Variants in CACNB4 observed in about 807,000 individuals in gnomAD.
CACNB4 encodes the protein voltage-dependent L-type calcium channel subunit beta-4.
Under a neutral mutation model 71.2 loss-of-function variants are expected in CACNB4, and 32 were observed. The observed-to-expected ratio is 0.45, with a 90% confidence interval of 0.34 to 0.60. CACNB4 has a LOEUF of 0.60. Ranked by LOEUF, CACNB4 falls within the 20% of genes least tolerant of loss-of-function variation. The pLI, the probability that CACNB4 is intolerant of heterozygous loss-of-function variation, is 0.01. For synonymous variants in CACNB4, 231 were observed against 236.9 expected (o/e 0.97, Z 0.23); for missense variants, 464 against 647.9 (o/e 0.72, Z 3.08).
intron 12 of CACNB4, chr2:151,850,720 T>C (rs940489011): frequency 2.0e-5 from 3 of 152,198 alleles, no homozygotes; most frequent in East Asian, 3.9e-4. Context: ...ATTTGTCCTA[T>C]TGGAGATATA....
intron 10 of CACNB4, chr2:151,856,609 G>C (rs1413644242): frequency 1.3e-5 from 2 of 152,236 alleles, no homozygotes; most frequent in African/African-American, 4.8e-5. Context: ...ACTGTGCCCA[G>C]CTGATTTTGT....
intron 2 of CACNB4, among the ~76,000 whole-genome samples, chr2:152,038,481 G>C (rs1684710123): frequency 6.6e-6 from 1 of 152,170 alleles, no homozygotes; most frequent in Non-Finnish European, 1.5e-5. Context: ...TGAGCACCTG[G>C]GACACAGGCT....
At chr2:151,853,413 C>T (rs751576000) in intron 12 of CACNB4, 35 bp downstream of exon 12, 1 of 1,326,608 alleles carries the variant, frequency 7.5e-7, no homozygotes, top group South Asian at 1.4e-5. Context: ...TCTAACTAGT[C>T]AAGAATGATG....
intron 2 of CACNB4, among the ~76,000 whole-genome samples, chr2:152,036,924 G>T (rs750396178): frequency 6.6e-6 from 1 of 152,164 alleles, no homozygotes; most frequent in African/African-American, 2.4e-5. Context: ...AGAATCCCAG[G>T]AAGTGCACTA....
intron 2 of CACNB4, among the ~76,000 whole-genome samples, chr2:151,924,073 CTTTTTTTTT>C (rs59036016): frequency 2.2e-5 from 2 of 91,450 alleles, no homozygotes; most frequent in Non-Finnish European, 3.9e-5. Flanking sequence ...ATTCTGAAAT[CTTTTTTTTT>C]TTTTTTTTTT....
intron 2 of CACNB4, among the ~76,000 whole-genome samples, chr2:151,963,303 C>A (rs975974775): frequency 1.5e-5 from 2 of 132,826 alleles, no homozygotes; most frequent in African/African-American, 5.8e-5. Context: ...CAGAGAAAGA[C>A]ACCGTCTCAA....
intron 2 of CACNB4, among the ~76,000 whole-genome samples, chr2:152,055,974 CCT>C (rs1002045359): frequency 2.0e-5 from 3 of 152,140 alleles, no homozygotes; most frequent in Non-Finnish European, 2.9e-5. Context: ...CCACCACGCC[CCT>C]GTGACTACCC....
chr2:151,901,064 A>T (rs2099853307), intron 2 of CACNB4, among the ~76,000 whole-genome samples: 1 of 136,040 alleles, frequency 7.4e-6, no homozygotes, highest in Non-Finnish European at 1.5e-5. Context: ...TGCAATCACC[A>T]CTCATTGCAG....
chr2:152,050,444 G>T (rs1253708091), intron 2 of CACNB4, among the ~76,000 whole-genome samples: 1 of 152,194 alleles, frequency 6.6e-6, no homozygotes, highest in Non-Finnish European at 1.5e-5. Flanking sequence ...AATGAAAAGA[G>T]ACTTCCTGGA....
At chr2:152,018,586 T>C (rs1313930606) in intron 2 of CACNB4, among the ~76,000 whole-genome samples, 5 of 152,084 alleles carry the variant, frequency 3.3e-5, no homozygotes, top group Admixed American at 2.0e-4. Context: ...GAGAGTTACT[T>C]GAGCCCAAGA....
intron 2 of CACNB4, chr2:151,970,098 T>C (rs559439729): frequency 6.6e-6 from 1 of 152,290 alleles, no homozygotes; most frequent in South Asian, 2.1e-4. Flanking sequence ...CACCGTACAA[T>C]ATACCCTAAG....
rs560396450 is a variant in CACNB4, at chr2:152,013,446, C to T, written c.147+84884G>A. ...CAAGCAGCAGGTACACAGAAATGCC[C>T]ATGACAGAGAGTACTAGGTTGCTCG... On this transcript the variant is annotated intron_variant, in intron 2 of 13. Coordinates refer to ENST00000539935, the MANE Select transcript of CACNB4 (RefSeq NM_000726.5). Among the ~76,000 whole-genome samples, 58 of 152,204 alleles carry T rather than the reference C, an allele frequency of 3.8e-4. No individual in the cohort carries two copies. The South Asian group carries it at 9.9e-3, about 26-fold the overall frequency.
chr2:151,927,906 T>C (rs183366715), intron 2 of CACNB4, among the ~76,000 whole-genome samples: 1 of 152,340 alleles, frequency 6.6e-6, no homozygotes, highest in Admixed American at 6.5e-5. Flanking sequence ...CACTCCTTCT[T>C]TCTTGAGAGT....
At chr2:151,983,675 TCACACACACACACACACACA>T (rs1553803380) in intron 2 of CACNB4, among the ~76,000 whole-genome samples, 1 of 141,430 alleles carries the variant, frequency 7.1e-6, no homozygotes, top group African/African-American at 2.6e-5. Context: ...TAAACTTTGG[TCACACACACACACACACACA>T]CACACACACA....
At chr2:151,840,525 C>T (rs942567867) in intron 13 of CACNB4, among the ~76,000 whole-genome samples, 2 of 152,168 alleles carry the variant, frequency 1.3e-5, no homozygotes, top group African/African-American at 4.8e-5. Flanking sequence ...AGAGCCAATC[C>T]ACACTAGTCA....
chr2:151,893,895 A>C (rs771729513), intron 2 of CACNB4, among the ~76,000 whole-genome samples: 2 of 152,244 alleles, frequency 1.3e-5, no homozygotes, highest in Non-Finnish European at 2.9e-5. Flanking sequence ...TGAACAACCT[A>C]TCTCTTCACT....
intron 9 of CACNB4, chr2:151,868,669 A>G (rs1238886285): frequency 6.6e-6 from 1 of 152,142 alleles, no homozygotes; most frequent in East Asian, 1.9e-4. Flanking sequence ...CCAAATAAGT[A>G]CTATTCCCTA....
At chr2:151,998,039 T>C (rs770300241) in intron 2 of CACNB4, among the ~76,000 whole-genome samples, 1 of 152,128 alleles carries the variant, frequency 6.6e-6, no homozygotes, top group Non-Finnish European at 1.5e-5. Context: ...AAAGTTGAAA[T>C]AGGCTGGGCA....
chr2:151,948,062 T>G (rs1389282230), intron 2 of CACNB4, among the ~76,000 whole-genome samples: 1 of 152,204 alleles, frequency 6.6e-6, no homozygotes, highest in Non-Finnish European at 1.5e-5. Flanking sequence ...AATGTGGGTA[T>G]GGATGATAGT....
Sources: gnomAD v4.1 joint callset for allele counts (sites outside exome capture counted in the v4.1 genomes callset) on GRCh38, gnomAD v4.1.1 for gene constraint, MANE v1.5 for transcripts, NCBI Gene and HGNC (gene_info 2026-07-23, HGNC 2026-07-21) for gene names.